Variants in TNFAIP8L3 observed in about 807,000 individuals in gnomAD.
The protein encoded by TNFAIP8L3 is tumor necrosis factor alpha-induced protein 8-like protein 3.
A neutral mutation model predicts 11.8 loss-of-function variants in TNFAIP8L3; 7 were observed. The ratio of observed to expected loss-of-function variants is 0.59; its 90% CI spans 0.34 to 1.11. The LOEUF is 1.11. TNFAIP8L3 is among the 50% of genes most tolerant of loss of function. The pLI, the probability that TNFAIP8L3 is intolerant of heterozygous loss-of-function variation, is 0.03. For missense variants in TNFAIP8L3, 219 were observed against 258.6 expected, an observed-to-expected ratio of 0.85 and a Z score of 1.05; for synonymous variants, 98 against 103.8, an observed-to-expected ratio of 0.94 and a Z score of 0.34.
chr15:51,087,363 C>A (rs556695609), intron 1 of TNFAIP8L3, among the ~76,000 whole-genome samples: 53 of 152,330 alleles, frequency 3.5e-4, no homozygotes, highest in African/African-American at 1.3e-3. Context: ...ATTTGCCCAC[C>A]TTCCCAGCAT....
intron 1 of TNFAIP8L3, among the ~76,000 whole-genome samples, chr15:51,091,943 C>T (rs2065473893): frequency 6.6e-6 from 1 of 152,094 alleles, no homozygotes; most frequent in African/African-American, 2.4e-5. Context: ...AAATGATTAC[C>T]AGGAACACCT....
At chr15:51,070,854 G>T (rs1273522939) in intron 1 of TNFAIP8L3, among the ~76,000 whole-genome samples, 1 of 149,634 alleles carries the variant, frequency 6.7e-6, no homozygotes, top group Non-Finnish European at 1.5e-5. Flanking sequence ...AGACCATCCC[G>T]GCTAAAACGG....
intron 1 of TNFAIP8L3, among the ~76,000 whole-genome samples, chr15:51,071,065 A>AAAAAAAAAAAAAAAAAAAAAAAAAAT (rs2065305813): frequency 6.6e-6 from 1 of 150,532 alleles, no homozygotes; most frequent in African/African-American, 2.4e-5. Flanking sequence ...AAAAAAAAAA[A>AAAAAAAAAAAAAAAAAAAAAAAAAAT]AAAAAAAAGA....
intron 1 of TNFAIP8L3, among the ~76,000 whole-genome samples, chr15:51,065,992 G>A (rs1011933045): frequency 6.6e-6 from 1 of 151,980 alleles, no homozygotes; most frequent in Non-Finnish European, 1.5e-5. Context: ...CCCAAGGGGT[G>A]GGGTAAGAGC....
At chr15:51,084,230 A>T (rs1673443649) in intron 1 of TNFAIP8L3, among the ~76,000 whole-genome samples, 1 of 152,170 alleles carries the variant, frequency 6.6e-6, no homozygotes, top group African/African-American at 2.4e-5. Flanking sequence ...ATACGTACAT[A>T]CAGAAAAACA....
At chr15:51,084,362 G>A (rs566596919) in intron 1 of TNFAIP8L3, among the ~76,000 whole-genome samples, 1 of 152,314 alleles carries the variant, frequency 6.6e-6, no homozygotes, top group East Asian at 1.9e-4. Flanking sequence ...GTGTGGAAAT[G>A]TCATTATGTA....
chr15:51,075,737 C>A (rs189308297), intron 1 of TNFAIP8L3, among the ~76,000 whole-genome samples: 1 of 152,244 alleles, frequency 6.6e-6, no homozygotes, highest in Admixed American at 6.5e-5. Context: ...GGATGCAGAA[C>A]CTAAAATGTG....
At chr15:51,087,873 A>G (rs1201349159) in intron 1 of TNFAIP8L3, among the ~76,000 whole-genome samples, 1 of 145,822 alleles carries the variant, frequency 6.9e-6, no homozygotes, top group East Asian at 2.0e-4. Flanking sequence ...TTGCCTAAAA[A>G]GAACATTTCT....
At chr15:51,093,813 T>C in intron 1 of TNFAIP8L3, among the ~76,000 whole-genome samples, 1 of 152,168 alleles carries the variant, frequency 6.6e-6, no homozygotes, top group East Asian at 1.9e-4. Context: ...TTGCTCAGTA[T>C]CAGGGAGAGG....
At chr15:51,091,459 G>T (rs141806333) in intron 1 of TNFAIP8L3, among the ~76,000 whole-genome samples, 1 of 152,270 alleles carries the variant, frequency 6.6e-6, no homozygotes, top group African/African-American at 2.4e-5. Flanking sequence ...GCAGGGGATT[G>T]CCTCCTCTTC....
At chr15:51,072,989 CCTTTTT>C (rs1262444073) in intron 1 of TNFAIP8L3, among the ~76,000 whole-genome samples, 1 of 45,750 alleles carries the variant, frequency 2.2e-5, no homozygotes, top group Admixed American at 3.0e-4. Context: ...AAACTGGGAT[CCTTTTT>C]TTTTTTTTTT....
At chr15:51,058,557 C>G (rs976092529) in intron 1 of TNFAIP8L3, 114 bp from the exon 2 acceptor site, 1 of 973,810 alleles carries the variant, frequency 1.0e-6, no homozygotes. Flanking sequence ...AAACTCATGT[C>G]TTTATATTCC....
rs2065321403 is a variant in TNFAIP8L3 at position 51,072,989 on chromosome 15, C to CTTTTTTTTTTTTTTTTTTTTTTTTTTT, written c.53-14547_53-14546insAAAAAAAAAAAAAAAAAAAAAAAAAAA. 6.6e-5 allele frequency among the ~76,000 whole-genome samples: 3 copies of CTTTTTTTTTTTTTTTTTTTTTTTTTTT among 45,752 alleles called. 1 individual carries two copies. Among genetic ancestry groups the CTTTTTTTTTTTTTTTTTTTTTTTTTTT allele is most frequent in the Non-Finnish European group, 3.8e-5 (1 of 26,018 alleles). 30.0% of individuals were successfully genotyped at this position (45,752 alleles called of 152,430 possible). ...ATGTTGATCTGAAGTAAACTGGGATCCTTTTTTTTTTTTTTTTTTTTTTTG... is the reference window on the plus strand; with the variant it reads ...ATGTTGATCTGAAGTAAACTGGGATCTTTTTTTTTTTTTTTTTTTTTTTTTTTCTTTTTTTTTTTTTTTTTTTTTTTG... On this transcript the variant is annotated intron_variant, in intron 1 of 1. Transcript: ENST00000637513.
In TNFAIP8L3 at chr15:51,060,998, T is replaced by C. The variant is rs927472595; in HGVS notation, c.53-2555A>G. ...TAAAAATACAAAAATTAGCCAGGCATGATGGCATGCATCTGTAGGCCCAGC... is the reference window on the plus strand; with the variant it reads ...TAAAAATACAAAAATTAGCCAGGCACGATGGCATGCATCTGTAGGCCCAGC... On this transcript the variant is annotated intron_variant, in intron 1 of 1. Transcript: ENST00000637513. 2.0e-5 allele frequency among the ~76,000 whole-genome samples: 3 copies of C among 152,296 alleles called. No homozygotes were observed. In the East Asian group the frequency reaches 5.8e-4, roughly 29 times the overall value.
At chr15:51,098,635 G>T (rs1252863450), upstream of TNFAIP8L3, among the ~76,000 whole-genome samples, 1 of 152,092 alleles carries the variant, frequency 6.6e-6, no homozygotes, top group Non-Finnish European at 1.5e-5. Context: ...AAAAAGTAAT[G>T]CAGATTACTA....
upstream of TNFAIP8L3, among the ~76,000 whole-genome samples, chr15:51,094,984 C>T (rs923283351): frequency 6.6e-6 from 1 of 151,932 alleles, no homozygotes; most frequent in Non-Finnish European, 1.5e-5. The surrounding 1 kb of genome is among the most constrained non-coding windows in gnomAD (Gnocchi z 4.4). Context: ...GCGTCGGAGC[C>T]CTTGGACTTG....
intron 1 of TNFAIP8L3, among the ~76,000 whole-genome samples, chr15:51,079,923 A>G (rs1217816923): frequency 6.6e-6 from 1 of 151,836 alleles, no homozygotes; most frequent in African/African-American, 2.4e-5. Flanking sequence ...AGGGAGGCTT[A>G]TAACATGATG....
intron 1 of TNFAIP8L3, among the ~76,000 whole-genome samples, chr15:51,092,720 G>A (rs2065480603): frequency 6.6e-6 from 1 of 152,160 alleles, no homozygotes; most frequent in South Asian, 2.1e-4. Flanking sequence ...CAAACTGACC[G>A]TGAATACAAC....
intron 1 of TNFAIP8L3, among the ~76,000 whole-genome samples, chr15:51,093,955 T>C (rs573273086): frequency 1.4e-3 from 220 of 152,168 alleles, no homozygotes; most frequent in Admixed American, 0.012. Flanking sequence ...GCGTCTGTGT[T>C]CGGGGACCAG....
Sources: allele counts gnomAD v4.1 joint callset (sites outside exome capture counted in the v4.1 genomes callset), GRCh38; gene constraint gnomAD v4.1.1; non-coding constraint Gnocchi (gnomAD v3.1); transcripts MANE v1.5; gene names NCBI Gene and HGNC (gene_info 2026-07-23, HGNC 2026-07-21).